The following ADAM23 variants were observed in gnomAD, a reference collection of about 807,000 sequenced individuals.
ADAM23 encodes the protein ADAM metallopeptidase domain 23, also known as disintegrin and metalloproteinase domain-containing protein 23.
In ADAM23, 33 loss-of-function variants were observed where a neutral mutation model predicts 120.1. The ratio of observed to expected loss-of-function variants is 0.27; its 90% CI spans 0.21 to 0.37. ADAM23 has a LOEUF of 0.37. Among genes scored for constraint, ADAM23 ranks in the 10% least tolerant of loss-of-function variants. ADAM23 has a pLI of 1.00. For missense variants in ADAM23, 862 were observed against 1,058.2 expected, an observed-to-expected ratio of 0.81 and a Z score of 2.57; for synonymous variants, 367 against 375.2, an observed-to-expected ratio of 0.98 and a Z score of 0.25.
intron 2 of ADAM23, among the ~76,000 whole-genome samples, chr2:206,447,886 T>C (rs1695114566): frequency 6.6e-6 from 1 of 152,192 alleles, no homozygotes; most frequent in East Asian, 1.9e-4. Context: ...TTCCCAAATA[T>C]AGGTTGCAAG....
intron 2 of ADAM23, among the ~76,000 whole-genome samples, chr2:206,473,173 G>A (rs539720480): frequency 9.2e-5 from 14 of 152,090 alleles, no homozygotes; most frequent in Non-Finnish European, 1.6e-4. Flanking sequence ...AGAATGGAAG[G>A]CATCTTGTGT....
chr2:206,446,049 A>G (rs777550191), intron 2 of ADAM23, among the ~76,000 whole-genome samples: 2 of 152,220 alleles, frequency 1.3e-5, no homozygotes, highest in Non-Finnish European at 2.9e-5. Flanking sequence ...TGTATTTTCA[A>G]TAGGTAAACA....
intron 9 of ADAM23, among the ~76,000 whole-genome samples, chr2:206,554,215 A>G (rs1697593032): frequency 6.6e-6 from 1 of 152,190 alleles, no homozygotes; most frequent in Non-Finnish European, 1.5e-5. Flanking sequence ...TAGGTATCAC[A>G]TTATCAGTGG....
chr2:206,492,248 C>T (rs1230302705), intron 3 of ADAM23, among the ~76,000 whole-genome samples: 1 of 152,152 alleles, frequency 6.6e-6, no homozygotes, highest in Non-Finnish European at 1.5e-5. Context: ...TGTCTCAACT[C>T]AGGCCTAAAG....
chr2:206,560,084 A>G lies in ADAM23; in HGVS notation c.1135A>G (p.Ile379Val). ...LHEFSKYRQR[I>V]KQHADAVHLI... ...TGAGTTCTCAAAATACCGGCAGCGC[A>G]TTAAGCAGCATGCTGATGCTGTGCA... Residue 379 changes from isoleucine (I) to valine (V), a missense_variant, in exon 11 of 26, where the codon ATT becomes GTT. Around this residue, in one of 4 missense-constraint regions of ADAM23, gnomAD observed 617 missense variants for 813.5 expected, o/e 0.76. Coordinates refer to ENST00000264377, the MANE Select transcript of ADAM23 (RefSeq NM_003812.4). 6.2e-7 allele frequency: 1 copy of G among 1,614,148 alleles called. No individual in the cohort carries two copies. The highest frequency in any genetic ancestry group is 8.5e-7 in the Non-Finnish European group (1 of 1,179,970).
In ADAM23 at chr2:206,477,897, A is replaced by ATATATATATATATAT. The variant is rs1553548673; in HGVS notation, c.433-3335_433-3334insTATATATATATATAT. On this transcript the variant is annotated intron_variant, in intron 2 of 25. Transcript: ENST00000264377. ...TATTCTGTTAAAAAAAAAAAAAAAA[A>ATATATATATATATAT]ATATATATATATATATATATATATA... Among the ~76,000 whole-genome samples, 110 of 93,492 alleles carry ATATATATATATATAT rather than the reference A, an allele frequency of 1.2e-3. 1 individual carries two copies. Among genetic ancestry groups the ATATATATATATATAT allele is most frequent in the African/African-American group, 2.6e-3 (51 of 19,366 alleles). 61.3% of individuals were successfully genotyped at this position (93,492 alleles called of 152,430 possible). A position where few individuals can be genotyped will look rare whatever the true frequency, so the allele number is the denominator to read the frequency against.
intron 2 of ADAM23, among the ~76,000 whole-genome samples, chr2:206,457,892 TA>T (rs1458673675): frequency 1.3e-5 from 2 of 152,252 alleles, no homozygotes; most frequent in African/African-American, 4.8e-5. Flanking sequence ...ATATACCCTT[TA>T]TTTTTTACTA....
chr2:206,561,712 T>G (rs770943516), intron 12 of ADAM23, among the ~76,000 whole-genome samples: 2 of 152,188 alleles, frequency 1.3e-5, no homozygotes, highest in Non-Finnish European at 2.9e-5. Flanking sequence ...CTTTCAGTTT[T>G]ATAAAGGAAA....
chr2:206,543,733 A>G (rs1308476708), intron 6 of ADAM23, among the ~76,000 whole-genome samples: 2 of 151,672 alleles, frequency 1.3e-5, no homozygotes, highest in East Asian at 3.8e-4. Flanking sequence ...ATCAGCAAGT[A>G]GATAAGTAAA....
chr2:206,610,008 A>G lies in ADAM23; in HGVS notation c.2450+8A>G, dbSNP rs745367792. ...CACAGGCTGGGGATTTAAGTAAGCA[A>G]CGCCGCATGTCTTCTTCTCAGTGGC... is the stretch of plus-strand genomic sequence containing the variant. On this transcript the variant is annotated splice_region_variant and intron_variant, in intron 25 of 25. Transcript: ENST00000264377. 5.1e-6 allele frequency: 8 copies of G among 1,558,746 alleles called. No individual in the cohort carries two copies. The highest frequency in any genetic ancestry group is 6.9e-6 in the Non-Finnish European group (8 of 1,161,046).
chr2:206,579,913 TTTAGTATAGAGG>T (rs1698189470), intron 18 of ADAM23, among the ~76,000 whole-genome samples: 1 of 152,126 alleles, frequency 6.6e-6, no homozygotes, highest in Non-Finnish European at 1.5e-5. Flanking sequence ...TCAGCAGTGT[TTTAGTATAGAGG>T]TTTTTTGACC....
intron 2 of ADAM23, among the ~76,000 whole-genome samples, chr2:206,452,604 T>G (rs555964557): frequency 2.0e-5 from 3 of 152,178 alleles, no homozygotes; most frequent in Admixed American, 1.3e-4. Flanking sequence ...GCTAGGAGTT[T>G]GAGAGCAACT....
intron 2 of ADAM23, among the ~76,000 whole-genome samples, chr2:206,474,423 G>A (rs1695731855): frequency 6.6e-6 from 1 of 152,086 alleles, no homozygotes; most frequent in Non-Finnish European, 1.5e-5. Flanking sequence ...CTAGATGGTG[G>A]CTAACTATCC....
chr2:206,562,348 C>T (rs1697785429), intron 13 of ADAM23, 55 bp downstream of exon 13: 1 of 1,206,000 alleles, frequency 8.3e-7, no homozygotes, highest in Non-Finnish European at 1.2e-6. Context: ...CTGTATAATG[C>T]ATGTCCAGTC....
chr2:206,489,734 T>C (rs1176267168), intron 3 of ADAM23, among the ~76,000 whole-genome samples: 1 of 152,212 alleles, frequency 6.6e-6, no homozygotes, highest in Non-Finnish European at 1.5e-5. Context: ...CAGCATGGGC[T>C]GTCTGCTTGG....
intron 3 of ADAM23, among the ~76,000 whole-genome samples, chr2:206,530,431 G>A (rs1574515900): frequency 6.6e-6 from 1 of 152,204 alleles, no homozygotes; most frequent in Non-Finnish European, 1.5e-5. Flanking sequence ...CATAATTGTG[G>A]AATTTTTATA....
intron 3 of ADAM23, among the ~76,000 whole-genome samples, chr2:206,509,549 A>G (rs530225585): frequency 2.0e-5 from 3 of 151,996 alleles, no homozygotes; most frequent in East Asian, 1.9e-4. Flanking sequence ...CCTGAGTTCT[A>G]GCGATTCTCC....
At chr2:206,555,976 T>C (rs934562212) in intron 9 of ADAM23, among the ~76,000 whole-genome samples, 1 of 152,196 alleles carries the variant, frequency 6.6e-6, no homozygotes, top group African/African-American at 2.4e-5. Context: ...TAGAAACTTC[T>C]TTATGCCAAG....
In ADAM23 at chr2:206,514,880, T is replaced by G. The variant is rs534820955; in HGVS notation, c.510-16005T>G. Among the ~76,000 whole-genome samples, 5 of 152,276 alleles carry G rather than the reference T, an allele frequency of 3.3e-5. No homozygotes were observed. The East Asian group carries it at 9.6e-4, about 29-fold the overall frequency. On this transcript the variant is annotated intron_variant, in intron 3 of 25. Coordinates refer to ENST00000264377, the MANE Select transcript of ADAM23 (RefSeq NM_003812.4). ...TGAAGGGCTCAGGTGATCATTAGCG[T>G]TTTTTAGCAATAAAGTATTTTTAGA...
Sources: gnomAD v4.1 joint callset for allele counts (sites outside exome capture counted in the v4.1 genomes callset) on GRCh38, gnomAD v4.1.1 for gene constraint, gnomAD v4.1.1 regional missense constraint, MANE v1.5 for transcripts, NCBI Gene and HGNC (gene_info 2026-07-23, HGNC 2026-07-21) for gene names.